Variants in BRD10 observed in about 807,000 individuals in gnomAD.
BRD10 encodes bromodomain containing 10, also known as uncharacterized bromodomain-containing protein 10.
At chr9:5,974,899 T>A in the BRD10 span, among the ~76,000 whole-genome samples, 2 of 152,166 alleles carry the variant, frequency 1.3e-5, no homozygotes, top group Non-Finnish European at 2.9e-5. Flanking sequence ...GGACTAGCGC[T>A]CAGGATCCAA....
the BRD10 span, among the ~76,000 whole-genome samples, chr9:5,887,584 C>A: frequency 6.6e-6 from 1 of 152,226 alleles, no homozygotes; most frequent in Non-Finnish European, 1.5e-5. Flanking sequence ...CTTTTCAGCT[C>A]AGAACTGCAT....
chr9:5,930,334 A>C, the BRD10 span, among the ~76,000 whole-genome samples: 1 of 148,780 alleles, frequency 6.7e-6, no homozygotes, highest in African/African-American at 2.5e-5. Flanking sequence ...ACTATTACAA[A>C]CATGTGCATA....
the BRD10 span, among the ~76,000 whole-genome samples, chr9:5,990,041 T>C: frequency 1.3e-5 from 2 of 152,230 alleles, no homozygotes; most frequent in African/African-American, 4.8e-5. Context: ...ACACTATAAC[T>C]AATTCAGCTT....
the BRD10 span, among the ~76,000 whole-genome samples, chr9:5,999,530 T>C: frequency 6.6e-6 from 1 of 152,086 alleles, no homozygotes; most frequent in Non-Finnish European, 1.5e-5. Context: ...ATGCATCCCT[T>C]GTAATTCCCT....
At chr9:5,883,966 T>C in the BRD10 span, among the ~76,000 whole-genome samples, 1 of 152,180 alleles carries the variant, frequency 6.6e-6, no homozygotes, top group Non-Finnish European at 1.5e-5. Flanking sequence ...TTATTAGGTT[T>C]CCATTTTGCA....
the BRD10 span, chr9:5,924,860 C>A: frequency 6.9e-7 from 1 of 1,440,172 alleles, no homozygotes; most frequent in South Asian, 1.7e-5. Context: ...AATAAAATGC[C>A]CAACATAATA....
At chr9:5,896,942 G>A in the BRD10 span, among the ~76,000 whole-genome samples, 1 of 152,190 alleles carries the variant, frequency 6.6e-6, no homozygotes, top group African/African-American at 2.4e-5. Flanking sequence ...AGGGAAGGGA[G>A]GGCACGAACA....
At chr9:5,979,235 T>C in the BRD10 span, among the ~76,000 whole-genome samples, 2 of 152,224 alleles carry the variant, frequency 1.3e-5, no homozygotes, top group Non-Finnish European at 2.9e-5. Flanking sequence ...ACACACTGGC[T>C]GGGCATGGTG....
At chr9:5,960,673 G>A in the BRD10 span, among the ~76,000 whole-genome samples, 1 of 151,942 alleles carries the variant, frequency 6.6e-6, no homozygotes, top group African/African-American at 2.4e-5. Context: ...TTTTGTAACT[G>A]TTAATGCGTC....
chr9:5,983,041 C>G, the BRD10 span, among the ~76,000 whole-genome samples: 1 of 152,164 alleles, frequency 6.6e-6, no homozygotes, highest in Non-Finnish European at 1.5e-5. Context: ...GTGGAACCTG[C>G]TGACACGGAG....
the BRD10 span, among the ~76,000 whole-genome samples, chr9:5,987,840 A>G: frequency 6.6e-6 from 1 of 152,232 alleles, no homozygotes. Flanking sequence ...GAAAAGTTAT[A>G]TAAATGCCAT....
the BRD10 span, among the ~76,000 whole-genome samples, chr9:6,001,639 A>G: frequency 6.6e-6 from 1 of 152,356 alleles, no homozygotes; most frequent in Non-Finnish European, 1.5e-5. Context: ...TATCTAGCAC[A>G]TAATAGTTCA....
the BRD10 span, among the ~76,000 whole-genome samples, chr9:5,940,444 T>C: frequency 0.052 from 7,917 of 151,644 alleles, 603 homozygotes; most frequent in African/African-American, 0.16. Context: ...CCGCCCACCT[T>C]GGCCTCCCAA....
At chr9:6,008,417 G>A in the BRD10 span, among the ~76,000 whole-genome samples, 1 of 152,102 alleles carries the variant, frequency 6.6e-6, no homozygotes. Flanking sequence ...TCAGCCCCCC[G>A]GCTGGGAAGA....
At chr9:5,922,605 C>A in the BRD10 span, 1 of 1,613,844 alleles carries the variant, frequency 6.2e-7, no homozygotes, top group Non-Finnish European at 8.5e-7. Flanking sequence ...TGTTCTGTAC[C>A]TTTCTGTTGA....
chr9:5,886,616 G>C, the BRD10 span, among the ~76,000 whole-genome samples: 2 of 152,186 alleles, frequency 1.3e-5, no homozygotes, highest in Non-Finnish European at 2.9e-5. Flanking sequence ...TGTTAGTTTG[G>C]GACTAGATTG....
chr9:5,908,355 A>G, the BRD10 span, among the ~76,000 whole-genome samples: 1 of 152,216 alleles, frequency 6.6e-6, no homozygotes, highest in African/African-American at 2.4e-5. Context: ...ATGATTCGTT[A>G]GTTAGGGCTT....
chr9:5,918,930 ATTCT>A, the BRD10 span: 1 of 152,446 alleles, frequency 6.6e-6, no homozygotes. Context: ...CCCACCCTTA[ATTCT>A]TTCTTGTAAA....
the BRD10 span, among the ~76,000 whole-genome samples, chr9:5,977,059 C>T: frequency 3.9e-5 from 6 of 152,282 alleles, no homozygotes; most frequent in East Asian, 9.6e-4. Context: ...TAAGGACATA[C>T]AGAAAGGTGA....
Sources: gnomAD v4.1 joint callset for allele counts (sites outside exome capture counted in the v4.1 genomes callset) on GRCh38, gnomAD v4.1.1 for gene constraint, MANE v1.5 for transcripts, NCBI Gene and HGNC (gene_info 2026-07-23, HGNC 2026-07-21) for gene names.